The following ZNF318 variants were observed in gnomAD, a reference collection of about 807,000 sequenced individuals.
ZNF318 encodes the protein zinc finger protein 318.
Under a neutral mutation model 124.2 loss-of-function variants are expected in ZNF318, and 51 were observed. The observed-to-expected ratio is 0.41, with a 90% CI of 0.33 to 0.52. The LOEUF (loss-of-function observed/expected upper bound fraction) is 0.52. ZNF318 is among the 20% of genes least tolerant of loss of function. ZNF318 has a pLI of 0.23. For missense variants in ZNF318, 2,815 were observed against 2,811.2 expected (o/e 1.00, Z -0.03); for synonymous variants, 1,090 against 1,040.7 (o/e 1.05, Z -0.91).
chr6:43,342,900 C>A (rs767472560), intron 6 of ZNF318, 21 bp from the exon 7 acceptor site: 1 of 1,592,702 alleles, frequency 6.3e-7, no homozygotes, highest in African/African-American at 1.3e-5. Flanking sequence ...AAAATCTGTA[C>A]TTACAAGGAA....
In ZNF318 at chr6:43,338,073, T is replaced by C. The variant is rs771016907; in HGVS notation, c.5925A>G (p.Pro1975=). ...RPETWESPEK[P]KTEALELQDV... is the part of the protein sequence containing the mutation. ...CTTGTAGCTCCAGTGCTTCTGTTTTTGGTTTCTCTGGGCTCTCCCAGGTCT... is the reference window on the plus strand; with the variant it reads ...CTTGTAGCTCCAGTGCTTCTGTTTTCGGTTTCTCTGGGCTCTCCCAGGTCT... Residue 1975 remains proline (P), a synonymous_variant, in exon 10 of 10, where the codon CCA becomes CCG. Coordinates refer to ENST00000361428, the MANE Select transcript of ZNF318 (RefSeq NM_014345.3). 3 of 1,614,116 alleles carry C rather than the reference T, an allele frequency of 1.9e-6. No homozygotes were observed. The African/African-American group carries it at 4.0e-5, about 22-fold the overall frequency.
At position 43,348,441 on chromosome 6, in the gene ZNF318, G is replaced by A. The variant is rs1457357565; in HGVS notation, c.2955C>T (p.Phe985=). 3.7e-6 allele frequency: 6 copies of A among 1,613,890 alleles called. No homozygotes were observed. Among genetic ancestry groups the A allele is most frequent in the South Asian group, 2.2e-5 (2 of 91,078 alleles). ...KVAQILGINI[F]DKSQKSLSDS... is the part of the protein sequence containing the mutation. ...CACTTAAAGACTTCTGGGATTTATC[G>A]AAGATGTTAATTCCCAAGATCTGAG... The change falls in exon 6 of 10, where the codon TTC becomes TTT. Residue 985 remains phenylalanine, a synonymous_variant. Transcript: ENST00000361428.
At position 43,369,007 on chromosome 6, in the gene ZNF318, C is replaced by A; in HGVS notation, c.359G>T (p.Arg120Leu). 7.0e-7 allele frequency: 1 copy of A among 1,433,648 alleles called. No homozygotes were observed. The highest frequency in any genetic ancestry group is 1.3e-5 in the South Asian group (1 of 74,108). 88.8% of individuals were successfully genotyped at this position (1,433,648 alleles called of 1,614,324 possible). A position where few individuals can be genotyped will look rare whatever the true frequency, so the allele number is the denominator to read the frequency against. Residue 120 changes from arginine to leucine, a missense_variant, in exon 1 of 10, where the codon CGG becomes CTG. By Grantham distance (102) the Arg-to-Leu change is moderately radical (BLOSUM62 -2). Transcript: ENST00000361428. The part of the protein sequence containing the change: ...SRGESRADYA[R>L]DGRGDHPGDS... Reference sequence around the variant, plus strand: ...GCCTGGATGGTCTCCGCGGCCGTCCCGGGCATAGTCGGCGCGGGACTCCCC... The same window carrying A: ...GCCTGGATGGTCTCCGCGGCCGTCCAGGGCATAGTCGGCGCGGGACTCCCC...
Position 43,337,391 on chromosome 6 carries a change from G to A in ZNF318, c.6607C>T (p.Leu2203=), listed in dbSNP as rs367837773. Residue 2203 remains leucine, a synonymous_variant, in exon 10 of 10, where the codon CTG becomes TTG. Coordinates refer to ENST00000361428, the MANE Select transcript of ZNF318 (RefSeq NM_014345.3). ...TCTAGCTGTAATGGCCCCAACTCCA[G>A]GGAACTACATTTAGAAGGGTCACCT... ...EPGDPSKCSS[L]ELGPLQLEIS... The A allele has an allele frequency of 1.4e-4, 219 of 1,613,978 alleles. No homozygotes were observed. Among genetic ancestry groups the A allele is most frequent in the Non-Finnish European group, 1.8e-4 (208 of 1,180,018 alleles).
intron 2 of ZNF318, among the ~76,000 whole-genome samples, chr6:43,358,757 T>G (rs563161138): frequency 6.6e-6 from 1 of 152,010 alleles, no homozygotes. Flanking sequence ...GGGTTTCACA[T>G]GTTGGCCAGG....
In ZNF318 at chr6:43,339,398, C is replaced by A. The variant is rs1215184312; in HGVS notation, c.4600G>T (p.Val1534Leu). ...ESDRDQTLFS[V>L]LVRPPPPLSS... Reference sequence around the variant, plus strand: ...AGGGGTGGTGGAGGACGTACTAACACAGAGAACAGGGTCTGGTCTCGGTCA... The same window carrying A: ...AGGGGTGGTGGAGGACGTACTAACAAAGAGAACAGGGTCTGGTCTCGGTCA... The change falls in exon 10 of 10, where the codon GTG (valine) becomes TTG (leucine). Residue 1534 changes from valine to leucine, a missense_variant. Val to Leu is a conservative substitution (Grantham distance 32). This residue lies in a region of ZNF318 where 500 missense variants were observed against 605.2 expected (regional missense o/e 0.83). Coordinates refer to ENST00000361428, the MANE Select transcript of ZNF318 (RefSeq NM_014345.3). The surrounding 1 kb of genome is among the most constrained non-coding windows in gnomAD (Gnocchi z 4.2). 10 of 1,613,292 alleles carry A rather than the reference C, an allele frequency of 6.2e-6. No homozygotes were observed. The highest frequency in any genetic ancestry group is 1.7e-5 in the Admixed American group (1 of 59,938).
Position 43,352,462 on chromosome 6 carries a change from C to T in ZNF318, c.2685G>A (p.Arg895=), listed in dbSNP as rs1779543100. ...ASQKQKVIEE[R]EKLKNDREAR... ...CTTCCCGGTCATTCTTTAGTTTTTC[C>T]CTCTCTTCAATAACCTGCAAAATAC... Residue 895 remains arginine, a synonymous_variant, in exon 5 of 10, where the codon AGG becomes AGA. Transcript: ENST00000361428. The T allele has an allele frequency of 6.2e-7, 1 of 1,613,866 alleles. No individual in the cohort carries two copies. The highest frequency in any genetic ancestry group is 1.1e-5 in the South Asian group (1 of 91,084).
At chr6:43,367,130 G>A (rs1033688527) in intron 1 of ZNF318, among the ~76,000 whole-genome samples, 3 of 152,166 alleles carry the variant, frequency 2.0e-5, no homozygotes, top group South Asian at 2.1e-4. Flanking sequence ...GATTACAGGC[G>A]TGAGCCACCG....
At position 43,354,837 on chromosome 6, in the gene ZNF318, G is replaced by A. The variant is rs1365273554; in HGVS notation, c.2497C>T (p.Pro833Ser). The A allele has an allele frequency of 8.1e-6, 13 of 1,614,060 alleles. No individual in the cohort carries two copies. Among genetic ancestry groups the A allele is most frequent in the Non-Finnish European group, 1.1e-5 (13 of 1,180,036 alleles). Reference protein sequence around the residue: ...PITKQATRSRPNLRVIPTVTP... With the variant: ...PITKQATRSRSNLRVIPTVTP... ...ACAGTGGGGATCACACGAAGATTGG[G>A]ACGGCTACGAGTAGCTTGTTTGGTT... Residue 833 changes from proline to serine, a missense_variant, in exon 4 of 10, where the codon CCC (proline) becomes TCC (serine). Physicochemically the swap from Pro to Ser is moderately conservative, Grantham distance 74. This residue lies in a region of ZNF318 where 1,377 missense variants were observed against 1,353.5 expected (regional missense o/e 1.02). Coordinates refer to ENST00000361428, the MANE Select transcript of ZNF318 (RefSeq NM_014345.3).
At position 43,338,168 on chromosome 6, in the gene ZNF318, T is replaced by C; in HGVS notation, c.5830A>G (p.Arg1944Gly). Residue 1944 changes from arginine to glycine, a missense_variant, in exon 10 of 10, where the codon AGA (arginine) becomes GGA (glycine). Physicochemically the swap from Arg to Gly is moderately radical, Grantham distance 125. Around this residue, in one of 4 missense-constraint regions of ZNF318, gnomAD observed 927 missense variants for 820.6 expected, o/e 1.13. Coordinates refer to ENST00000361428, the MANE Select transcript of ZNF318 (RefSeq NM_014345.3). Reference sequence around the variant, plus strand: ...TTTTTAACTTGAAAGTCTTTTGATCTTTCTCTCTTGAGTTTGAGACTTCTG... The same window carrying C: ...TTTTTAACTTGAAAGTCTTTTGATCCTTCTCTCTTGAGTTTGAGACTTCTG... ...RYRSLKLKRERSKDFQVKKIY... is the reference protein window; with the variant it reads ...RYRSLKLKREGSKDFQVKKIY... The C allele has an allele frequency of 1.9e-6, 3 of 1,614,090 alleles. No homozygotes were observed. The highest frequency in any genetic ancestry group is 1.1e-5 in the South Asian group (1 of 91,030).
intron 4 of ZNF318, among the ~76,000 whole-genome samples, chr6:43,353,376 C>CTT (rs11435695): frequency 0.016 from 2,336 of 141,986 alleles, 57 homozygotes; most frequent in African/African-American, 0.047. Flanking sequence ...TTCTTCAGAA[C>CTT]TTTTTTTTTT....
intron 1 of ZNF318, among the ~76,000 whole-genome samples, chr6:43,366,472 C>T (rs1779762546): frequency 6.6e-6 from 1 of 152,076 alleles, no homozygotes; most frequent in Non-Finnish European, 1.5e-5. Flanking sequence ...ATCACCTTCC[C>T]AGGAGGCCTT....
Position 43,337,784 on chromosome 6 carries a change from G to A in ZNF318, c.6214C>T (p.Pro2072Ser). ...FEPIPSFSGFPLDSPKTLVLD... is the reference protein window; with the variant it reads ...FEPIPSFSGFSLDSPKTLVLD... ...ACCAAGGTTTTGGGAGAATCTAACG[G>A]AAACCCAGAAAAAGATGGGATTGGT... Residue 2072 changes from proline to serine, a missense_variant, in exon 10 of 10, where the codon CCG becomes TCG. By Grantham distance (74) the Pro-to-Ser change is moderately conservative. This residue lies in a region of ZNF318 where 927 missense variants were observed against 820.6 expected (regional missense o/e 1.13). Transcript: ENST00000361428. The A allele has an allele frequency of 1.9e-6, 3 of 1,614,190 alleles. No individual in the cohort carries two copies. The highest frequency in any genetic ancestry group is 1.7e-6 in the Non-Finnish European group (2 of 1,180,030).
At chr6:43,362,451 C>CA (rs1260125668) in intron 2 of ZNF318, among the ~76,000 whole-genome samples, 2 of 137,074 alleles carry the variant, frequency 1.5e-5, no homozygotes, top group African/African-American at 5.4e-5. Flanking sequence ...GACTCTGTCT[C>CA]AAAAAATAAA....
At position 43,339,014 on chromosome 6, in the gene ZNF318, C is replaced by T. The variant is rs1779331758; in HGVS notation, c.4984G>A (p.Val1662Ile). ...GTGCTGCCTGTGCTTTTTGGGCCTA[C>T]ATGTTCTACAACTGACCATTTCCCT... ...ALGKWSVVEH[V>I]GPKSTGSTYG... The change falls in exon 10 of 10, where the codon GTA becomes ATA. Residue 1662 changes from valine to isoleucine, a missense_variant. Coordinates refer to ENST00000361428, the MANE Select transcript of ZNF318 (RefSeq NM_014345.3). The surrounding 1 kb of genome is among the most constrained non-coding windows in gnomAD (Gnocchi z 4.2). 2 of 1,614,220 alleles carry T rather than the reference C, an allele frequency of 1.2e-6. No homozygotes were observed. Among genetic ancestry groups the T allele is most frequent in the Non-Finnish European group, 1.7e-6 (2 of 1,180,038 alleles).
intron 6 of ZNF318, among the ~76,000 whole-genome samples, chr6:43,344,995 A>G (rs1183981275): frequency 6.6e-6 from 1 of 152,174 alleles, no homozygotes; most frequent in Non-Finnish European, 1.5e-5. Flanking sequence ...CTGTAATGCC[A>G]GCACTTTGGG....
rs1381895519 is a variant in ZNF318, at chr6:43,355,385, T to C, written c.1949A>G (p.His650Arg). Reference sequence around the variant, plus strand: ...GGAACAGCGGTCAGCTGAGAAGCGGTGGTCAACTGAGGAACAGTGGTCAGC... The same window carrying C: ...GGAACAGCGGTCAGCTGAGAAGCGGCGGTCAACTGAGGAACAGTGGTCAGC... Reference protein sequence around the residue: ...FSADHCSSVDHRFSADRCSSV... With the variant: ...FSADHCSSVDRRFSADRCSSV... Residue 650 changes from histidine (H) to arginine (R), a missense_variant, in exon 4 of 10, where the codon CAC becomes CGC. By Grantham distance (29) the His-to-Arg change is conservative. Transcript: ENST00000361428. 6.2e-7 allele frequency: 1 copy of C among 1,613,890 alleles called. No individual in the cohort carries two copies. Among genetic ancestry groups the C allele is most frequent in the African/African-American group, 1.3e-5 (1 of 74,858 alleles).
intron 6 of ZNF318, among the ~76,000 whole-genome samples, chr6:43,347,024 T>C (rs537056663): frequency 6.2e-4 from 93 of 150,614 alleles, no homozygotes; most frequent in Non-Finnish European, 1.3e-3. Flanking sequence ...AATTACAAGA[T>C]ATTATGGGAG....
chr6:43,337,122 A>G lies in ZNF318; in HGVS notation c.*36T>C. 1 of 1,510,344 alleles carries G rather than the reference A, an allele frequency of 6.6e-7. No homozygotes were observed. The highest frequency in any genetic ancestry group is 1.4e-5 in the South Asian group (1 of 72,270). The allele number at this position is 1,510,344 out of a possible 1,614,324, so 93.6% of individuals were successfully genotyped here. A position where few individuals can be genotyped will look rare whatever the true frequency, so the allele number is the denominator to read the frequency against. ...TCTGGGCATCTGATTTCTAGAAGCC[A>G]ATGATTCACTCACAAGTAGCTCTAG... is the stretch of plus-strand genomic sequence containing the variant. On this transcript the variant is annotated 3_prime_UTR_variant, in exon 10 of 10. Coordinates refer to ENST00000361428, the MANE Select transcript of ZNF318 (RefSeq NM_014345.3).
Sources: gnomAD v4.1 joint callset for allele counts (sites outside exome capture counted in the v4.1 genomes callset) on GRCh38, gnomAD v4.1.1 for gene constraint, gnomAD v4.1.1 regional missense constraint, Gnocchi (gnomAD v3.1) non-coding constraint, MANE v1.5 for transcripts, NCBI Gene and HGNC (gene_info 2026-07-23, HGNC 2026-07-21) for gene names.